The following NR4A3 variants were observed in gnomAD, a reference collection of about 807,000 sequenced individuals.
NR4A3 encodes nuclear receptor subfamily 4 group A member 3.
Under a neutral mutation model 55.6 loss-of-function variants are expected in NR4A3, and 13 were observed. The ratio of observed to expected loss-of-function variants is 0.23; its 90% confidence interval spans 0.15 to 0.37. The LOEUF is 0.37. NR4A3 is among the 10% of genes least tolerant of loss of function. The probability of loss-of-function intolerance (pLI) is 1.00; values close to 1 mark genes in which losing one functional copy is unlikely to be tolerated. For missense variants in NR4A3, 646 were observed against 822.8 expected, an observed-to-expected ratio of 0.79 and a Z score of 2.63; for synonymous variants, 342 against 357.9, an observed-to-expected ratio of 0.96 and a Z score of 0.50.
intron 3 of NR4A3, among the ~76,000 whole-genome samples, chr9:99,830,944 C>T (rs774352196): frequency 3.3e-5 from 5 of 151,866 alleles, no homozygotes; most frequent in African/African-American, 1.2e-4. Context: ...AGCAATCCCT[C>T]GAAAACAAAT....
intron 5 of NR4A3, among the ~76,000 whole-genome samples, chr9:99,839,572 A>G (rs1219585956): frequency 6.6e-6 from 1 of 152,224 alleles, no homozygotes; most frequent in Non-Finnish European, 1.5e-5. Flanking sequence ...TGAAACACAC[A>G]GACCCATTTT....
chr9:99,833,965 A>G, intron 5 of NR4A3: 3 of 1,148,448 alleles, frequency 2.6e-6, no homozygotes, highest in Non-Finnish European at 2.2e-6. Flanking sequence ...CTGGGATGGA[A>G]CGCCACCTCT....
chr9:99,832,333 G>T (rs1197854297), intron 3 of NR4A3, among the ~76,000 whole-genome samples: 2 of 152,162 alleles, frequency 1.3e-5, no homozygotes, highest in African/African-American at 4.8e-5. Context: ...AATAAGGTCA[G>T]CAATAATCAG....
Position 99,822,521 on chromosome 9 carries a change from T to C in NR4A3, c.-177+114T>C, listed in dbSNP as rs186383012. On this transcript the variant is annotated intron_variant, in intron 1 of 7. Coordinates refer to ENST00000395097, the MANE Select transcript of NR4A3 (RefSeq NM_006981.4). The surrounding 1 kb of genome is among the most constrained non-coding windows in gnomAD (Gnocchi z 4.9). ...AGTGTGGGGTTCCCTCCCCTGACCT[T>C]GCCGCCCGGCTCCGGCTTTGCTAGC... 5 of 152,516 alleles carry C rather than the reference T, an allele frequency of 3.3e-5. No individual in the cohort carries two copies. The highest frequency in any genetic ancestry group is 1.2e-4 in the African/African-American group (5 of 41,568). 9.4% of individuals were successfully genotyped at this position (152,516 alleles called of 1,614,324 possible). A position where few individuals can be genotyped will look rare whatever the true frequency, so the allele number is the denominator to read the frequency against.
At chr9:99,841,881 G>A (rs1031676992) in intron 5 of NR4A3, among the ~76,000 whole-genome samples, 1 of 152,074 alleles carries the variant, frequency 6.6e-6, no homozygotes, top group African/African-American at 2.4e-5. Context: ...GAGGTGGGAG[G>A]ATCGCCTCAG....
At chr9:99,827,401 A>G (rs556126623) in intron 2 of NR4A3, among the ~76,000 whole-genome samples, 2 of 152,122 alleles carry the variant, frequency 1.3e-5, no homozygotes, top group South Asian at 2.1e-4. Flanking sequence ...CACCTAGCTG[A>G]CTGAAGTTAT....
At chr9:99,842,921 TG>T (rs1361053210) in intron 5 of NR4A3, among the ~76,000 whole-genome samples, 1 of 152,194 alleles carries the variant, frequency 6.6e-6, no homozygotes, top group Non-Finnish European at 1.5e-5. Flanking sequence ...TCCCTACCCA[TG>T]AGGATCAGTT....
Position 99,828,990 on chromosome 9 carries a change from C to T in NR4A3, c.948C>T (p.Phe316=). 1 of 1,361,928 alleles carries T rather than the reference C, an allele frequency of 7.3e-7. No homozygotes were observed. Among genetic ancestry groups the T allele is most frequent in the Non-Finnish European group, 9.5e-7 (1 of 1,055,650 alleles). The allele number at this position is 1,361,928 out of a possible 1,614,324, so 84.4% of individuals were successfully genotyped here. A position where few individuals can be genotyped will look rare whatever the true frequency, so the allele number is the denominator to read the frequency against. The change falls in exon 3 of 8, where the codon TTC becomes TTT. Residue 316 remains phenylalanine, a synonymous_variant. Transcript: ENST00000395097. This position sits in a 1 kb window ranked among gnomAD's most constrained non-coding sequence, Gnocchi z 7.7. ...CCTGCGAGGGCTGCAAGGGCTTTTT[C>T]AAGGTGAGCGCACGCCGCCCCCTCC... The part of the protein sequence containing the change: ...VRTCEGCKGF[F]KRTVQKNAKY...
intron 7 of NR4A3, among the ~76,000 whole-genome samples, chr9:99,848,541 C>T (rs1365593840): frequency 6.6e-6 from 1 of 152,142 alleles, no homozygotes; most frequent in African/African-American, 2.4e-5. Context: ...GATGGGATTT[C>T]ATCATGCTGG....
intron 5 of NR4A3, among the ~76,000 whole-genome samples, chr9:99,838,562 A>T (rs1564033193): frequency 6.6e-6 from 1 of 152,336 alleles, no homozygotes; most frequent in Non-Finnish European, 1.5e-5. Flanking sequence ...TGGTAAAGAG[A>T]TTAAGCTAAA....
At chr9:99,842,457 G>A (rs1258426625) in intron 5 of NR4A3, among the ~76,000 whole-genome samples, 4 of 152,136 alleles carry the variant, frequency 2.6e-5, no homozygotes, top group Non-Finnish European at 2.9e-5. Context: ...TAGGCCAGAC[G>A]CGGTGGCTCA....
rs900080632 is a variant in NR4A3 at position 99,828,693 on chromosome 9, C to G, written c.651C>G (p.Ala217=). ...GGHHLGYDPT[A]AAALSLPLGA... The stretch of plus-strand genomic sequence containing the variant: ...ACCACCTCGGCTACGACCCGACGGC[C>G]GCTGCCGCGCTCAGCCTGCCGCTGG... The change falls in exon 3 of 8, where the codon GCC becomes GCG. Residue 217 remains alanine, a synonymous_variant. Coordinates refer to ENST00000395097, the MANE Select transcript of NR4A3 (RefSeq NM_006981.4). This position sits in a 1 kb window ranked among gnomAD's most constrained non-coding sequence, Gnocchi z 7.7. 8 of 1,331,144 alleles carry G rather than the reference C, an allele frequency of 6.0e-6. No homozygotes were observed. The highest frequency in any genetic ancestry group is 7.6e-6 in the Non-Finnish European group (8 of 1,048,216). The allele number at this position is 1,331,144 out of a possible 1,614,324, so 82.5% of individuals were successfully genotyped here. A position where few individuals can be genotyped will look rare whatever the true frequency, so the allele number is the denominator to read the frequency against.
Position 99,864,880 on chromosome 9 carries a change from T to C in NR4A3, c.*1013T>C, listed in dbSNP as rs113803029. On this transcript the variant is annotated 3_prime_UTR_variant, in exon 8 of 8. Transcript: ENST00000395097. Reference sequence around the variant, plus strand: ...GAACATGCAAATCAGCAGGAACTGGTCATACAGGGTAAGCACCAGGGACAA... The same window carrying C: ...GAACATGCAAATCAGCAGGAACTGGCCATACAGGGTAAGCACCAGGGACAA... 2.5e-3 allele frequency: 534 copies of C among 216,170 alleles called. 1 individual carries two copies. The highest frequency in any genetic ancestry group is 3.3e-3 in the Non-Finnish European group (348 of 106,984). The allele number at this position is 216,170 out of a possible 1,614,324, so 13.4% of individuals were successfully genotyped here.
intron 1 of NR4A3, among the ~76,000 whole-genome samples, chr9:99,824,510 G>A (rs1827254852): frequency 6.6e-6 from 1 of 152,222 alleles, no homozygotes; most frequent in Admixed American, 6.5e-5. Context: ...CTCCAGCTGG[G>A]GCTGGGGGTG....
In NR4A3 at chr9:99,828,807, C is replaced by A. The variant is rs563913405; in HGVS notation, c.765C>A (p.Ala255=). The stretch of plus-strand genomic sequence containing the variant: ...TGGCCAAGAGGGCGGCCCCGCTGGC[C>A]TTCCCGCCTCTCGGCCTCACGCCCT... ...LPLAKRAAPL[A]FPPLGLTPSP... is the part of the protein sequence containing the mutation. The change falls in exon 3 of 8, where the codon GCC becomes GCA. Residue 255 remains alanine (A), a synonymous_variant. Transcript: ENST00000395097. The surrounding 1 kb of genome is among the most constrained non-coding windows in gnomAD (Gnocchi z 7.7). 1.4e-5 allele frequency: 21 copies of A among 1,472,694 alleles called. No individual in the cohort carries two copies. The highest frequency in any genetic ancestry group is 6.4e-5 in the South Asian group (5 of 78,532). 91.2% of individuals were successfully genotyped at this position (1,472,694 alleles called of 1,614,324 possible). A position where few individuals can be genotyped will look rare whatever the true frequency, so the allele number is the denominator to read the frequency against.
At chr9:99,826,893 C>G in intron 2 of NR4A3, 1 of 1,269,530 alleles carries the variant, frequency 7.9e-7, no homozygotes, top group Non-Finnish European at 1.1e-6. Context: ...CGTTAAGCAC[C>G]TGGTTTTCCT....
chr9:99,838,619 C>A (rs1042112553), intron 5 of NR4A3, among the ~76,000 whole-genome samples: 1 of 152,162 alleles, frequency 6.6e-6, no homozygotes, highest in Non-Finnish European at 1.5e-5. Flanking sequence ...GATATTCTGA[C>A]CATAATATTA....
chr9:99,828,831 CT>C lies in NR4A3; in HGVS notation c.790del (p.Ser264ProfsTer73). 2 of 1,479,976 alleles carry C rather than the reference CT, an allele frequency of 1.4e-6. No individual in the cohort carries two copies. The highest frequency in any genetic ancestry group is 1.8e-6 in the Non-Finnish European group (2 of 1,119,638). 91.7% of individuals were successfully genotyped at this position (1,479,976 alleles called of 1,614,324 possible). ...LAFPPLGLTP[S>X]PTASSLLGES... ...CCTTCCCGCCTCTCGGCCTCACGCCCTCCCCTACCGCGTCCAGCCTGCTGGG... is the reference window on the plus strand; with the variant it reads ...CCTTCCCGCCTCTCGGCCTCACGCCCCCCCTACCGCGTCCAGCCTGCTGGG... On this transcript the variant is annotated frameshift_variant, in exon 3 of 8. Transcript: ENST00000395097. LOFTEE classifies it high-confidence loss of function. This position sits in a 1 kb window ranked among gnomAD's most constrained non-coding sequence, Gnocchi z 7.7.
chr9:99,860,214 GTTT>G (rs11370881), intron 7 of NR4A3, among the ~76,000 whole-genome samples: 1 of 148,234 alleles, frequency 6.7e-6, no homozygotes, highest in African/African-American at 2.5e-5. Context: ...TGTTGTAAAC[GTTT>G]TTTTTTTTAA....
Sources: gnomAD v4.1 joint callset for allele counts (sites outside exome capture counted in the v4.1 genomes callset) on GRCh38, gnomAD v4.1.1 for gene constraint, Gnocchi (gnomAD v3.1) non-coding constraint, MANE v1.5 for transcripts, NCBI Gene and HGNC (gene_info 2026-07-23, HGNC 2026-07-21) for gene names.